Variants in FBXL13 observed in about 807,000 individuals in gnomAD.
The protein encoded by FBXL13 is F-box and leucine-rich repeat protein 13.
A neutral mutation model predicts 83.6 loss-of-function variants in FBXL13; 67 were observed. That is an observed-to-expected ratio of 0.80 (90% CI 0.66 to 0.98). The LOEUF (loss-of-function observed/expected upper bound fraction) is 0.98, where lower values mean the gene tolerates loss of function less well. FBXL13 is among the 50% of genes least tolerant of loss of function. The pLI is 0.00. For missense variants in FBXL13, 822 were observed against 866.5 expected (o/e 0.95, Z 0.64); for synonymous variants, 272 against 299.5 (o/e 0.91, Z 0.95).
intron 17 of FBXL13, among the ~76,000 whole-genome samples, chr7:102,841,659 A>G (rs148095505): frequency 1.3e-4 from 20 of 152,330 alleles, no homozygotes; most frequent in African/African-American, 4.8e-4. Context: ...AACTGCCTCC[A>G]CAATTAGAAA....
chr7:102,842,397 C>T lies in FBXL13; in HGVS notation c.1720-9423G>A, dbSNP rs76836603. Among the ~76,000 whole-genome samples, 74 of 152,320 alleles carry T rather than the reference C, an allele frequency of 4.9e-4. No homozygotes were observed. In the East Asian group the frequency reaches 0.01, roughly 21 times the overall value. On this transcript the variant is annotated intron_variant, in intron 17 of 19. Coordinates refer to ENST00000313221, the Ensembl canonical transcript of FBXL13. The stretch of plus-strand genomic sequence containing the variant: ...ATGTTGCTACATGGAGCCAACACAT[C>T]TAATCCATCTTTGGCATTACAAGTC...
intron 8 of FBXL13, among the ~76,000 whole-genome samples, chr7:102,962,593 C>G (rs1331233275): frequency 6.6e-6 from 1 of 151,870 alleles, no homozygotes. Context: ...AAATGTCCAA[C>G]AATGATAGAC....
Position 103,028,695 on chromosome 7 carries a change from A to AT in FBXL13, c.121dup (p.Met41AsnfsTer32). 1 of 1,600,856 alleles carries AT rather than the reference A, an allele frequency of 6.2e-7. No homozygotes were observed. Among genetic ancestry groups the AT allele is most frequent in the Non-Finnish European group, 8.5e-7 (1 of 1,173,868 alleles). On this transcript the variant is annotated frameshift_variant, in exon 4 of 20. Coordinates refer to ENST00000313221, the Ensembl canonical transcript of FBXL13. LOFTEE classifies it high-confidence loss of function. ...ATTGTAGCATGTCACTGCTCTGTTC[A>AT]TTTTTTCAGCCAGGACGACATTTTC...
chr7:102,844,254 GC>G (rs1803537754), intron 17 of FBXL13, among the ~76,000 whole-genome samples: 2 of 152,326 alleles, frequency 1.3e-5, no homozygotes, highest in African/African-American at 4.8e-5. Context: ...ATAAGAGGGA[GC>G]TATGTTTGGG....
At chr7:102,856,116 T>C (rs768489328) in intron 16 of FBXL13, among the ~76,000 whole-genome samples, 3 of 152,210 alleles carry the variant, frequency 2.0e-5, no homozygotes, top group South Asian at 2.1e-4. Flanking sequence ...GGAATATCTT[T>C]TTCTTCTATG....
intron 9 of FBXL13, among the ~76,000 whole-genome samples, chr7:102,930,487 A>G (rs1818961408): frequency 6.6e-6 from 1 of 152,160 alleles, no homozygotes; most frequent in African/African-American, 2.4e-5. Flanking sequence ...CCACTTCACA[A>G]TTCATTGCAA....
chr7:102,956,847 A>G (rs1032169618), intron 8 of FBXL13, among the ~76,000 whole-genome samples: 1 of 152,212 alleles, frequency 6.6e-6, no homozygotes, highest in Non-Finnish European at 1.5e-5. Context: ...GGACCTCTTC[A>G]AGGAGAACTA....
At position 102,926,125 on chromosome 7, in the gene FBXL13, T is replaced by C. The variant is rs1818083853; in HGVS notation, c.878+149A>G. On this transcript the variant is annotated intron_variant, in intron 10 of 19. Coordinates refer to ENST00000313221, the Ensembl canonical transcript of FBXL13. ...CCAGTTCAGGCACCAGCTTAGGGAC[T>C]TGAAAGCAGCAGACCCCTTATCAGA... 16 of 641,350 alleles carry C rather than the reference T, an allele frequency of 2.5e-5. No individual in the cohort carries two copies. In the South Asian group the frequency reaches 3.0e-4, roughly 12 times the overall value. 39.7% of individuals were successfully genotyped at this position (641,350 alleles called of 1,614,324 possible). A position where few individuals can be genotyped will look rare whatever the true frequency, so the allele number is the denominator to read the frequency against.
At chr7:102,834,086 A>AAAAGAAAG (rs751744146) in intron 17 of FBXL13, among the ~76,000 whole-genome samples, 3,746 of 93,560 alleles carry the variant, frequency 0.04, 147 homozygotes, top group South Asian at 0.064. Flanking sequence ...GGAAGGAAAG[A>AAAAGAAAG]AAAGAAAGAA....
In FBXL13 at chr7:103,062,041, A is replaced by AC. The variant is rs1223475876; in HGVS notation, c.-104-6295_-104-6294insG. 2.4e-4 allele frequency among the ~76,000 whole-genome samples: 36 copies of AC among 150,258 alleles called. 1 individual carries two copies. Among genetic ancestry groups the AC allele is most frequent in the East Asian group, 7.7e-4 (4 of 5,176 alleles). ...CATAATTACCAAAAAAAAAAAAAAA[A>AC]AAACAAACCTTTGCTTTAAAACCAT... On this transcript the variant is annotated intron_variant, in intron 1 of 19. Coordinates refer to ENST00000313221, the Ensembl canonical transcript of FBXL13.
intron 1 of FBXL13, 45 bp from the exon 2 acceptor site, chr7:103,055,792 C>T (rs1375857399): frequency 1.9e-5 from 17 of 873,420 alleles, no homozygotes; most frequent in Admixed American, 5.8e-5. Context: ...TGAATTTTCA[C>T]GTTTTTACTA....
chr7:102,963,461 T>A, intron 8 of FBXL13, 72 bp downstream of exon 9: 1 of 1,562,250 alleles, frequency 6.4e-7, no homozygotes, highest in Non-Finnish European at 8.6e-7. Flanking sequence ...CTTTTTAATC[T>A]ATGCTTTTCT....
intron 11 of FBXL13, among the ~76,000 whole-genome samples, chr7:102,911,400 G>A (rs1814659287): frequency 6.6e-6 from 1 of 152,176 alleles, no homozygotes; most frequent in African/African-American, 2.4e-5. Context: ...AAGTACTGAA[G>A]GATTTATAGT....
At chr7:102,924,234 G>A (rs1277368295) in intron 10 of FBXL13, among the ~76,000 whole-genome samples, 3 of 138,870 alleles carry the variant, frequency 2.2e-5, no homozygotes, top group African/African-American at 5.4e-5. Flanking sequence ...GCAAAACTCC[G>A]TCTCAAAAAA....
intron 14 of FBXL13, among the ~76,000 whole-genome samples, chr7:102,879,409 G>A (rs1437198991): frequency 6.6e-6 from 1 of 151,660 alleles, no homozygotes; most frequent in Admixed American, 6.6e-5. Flanking sequence ...AAGAGGGGGA[G>A]TGTGCCAGCA....
intron 15 of FBXL13, among the ~76,000 whole-genome samples, chr7:102,877,827 C>G (rs1233307852): frequency 6.6e-6 from 1 of 152,054 alleles, no homozygotes; most frequent in Non-Finnish European, 1.5e-5. Flanking sequence ...ATTACAATTT[C>G]TAATAAGGAA....
chr7:102,825,673 C>A (rs1799503518), intron 18 of FBXL13, among the ~76,000 whole-genome samples: 1 of 152,100 alleles, frequency 6.6e-6, no homozygotes, highest in Admixed American at 6.5e-5. Flanking sequence ...AATATAAGGA[C>A]CAGTTTCACT....
At chr7:103,055,108 A>G (rs1423721628) in intron 2 of FBXL13, 4 of 1,288,414 alleles carry the variant, frequency 3.1e-6, no homozygotes, top group Non-Finnish European at 3.0e-6. Context: ...TCCAATTCAA[A>G]AAGTTGTTCC....
intron 8 of FBXL13, 42 bp from the exon 10 acceptor site, chr7:102,931,975 A>G: frequency 6.3e-7 from 1 of 1,586,080 alleles, no homozygotes; most frequent in South Asian, 1.1e-5. Flanking sequence ...ACATATTGCA[A>G]ATGTTTAAAC....
Sources: allele counts gnomAD v4.1 joint callset (sites outside exome capture counted in the v4.1 genomes callset), GRCh38; gene constraint gnomAD v4.1.1; transcripts MANE v1.5; gene names NCBI Gene and HGNC (gene_info 2026-07-23, HGNC 2026-07-21).